Variants in COMMD1 observed in about 807,000 individuals in gnomAD.
The protein encoded by COMMD1 is copper metabolism domain containing 1.
A neutral mutation model predicts 17.2 loss-of-function variants in COMMD1; 10 were observed. That is an observed-to-expected ratio of 0.58 (90% CI 0.36 to 0.99). The LOEUF is 0.99. Ranked by LOEUF, COMMD1 falls within the 50% of genes least tolerant of loss-of-function variation. COMMD1 has a pLI of 0.01. For synonymous variants in COMMD1, 97 were observed against 91.6 expected (o/e 1.06, Z -0.34); for missense variants, 270 against 231.8 (o/e 1.17, Z -1.07).
chr2:62,093,436 T>G (rs1671900399), intron 2 of COMMD1, among the ~76,000 whole-genome samples: 1 of 152,192 alleles, frequency 6.6e-6, no homozygotes, highest in Admixed American at 6.5e-5. Flanking sequence ...GTGAATAAAC[T>G]GAAGGAAAGG....
intron 2 of COMMD1, among the ~76,000 whole-genome samples, chr2:62,010,415 T>C (rs1669246662): frequency 6.6e-6 from 1 of 152,132 alleles, no homozygotes; most frequent in Non-Finnish European, 1.5e-5. Context: ...TACAACTCAC[T>C]TCCTAGTTGA....
intron 2 of COMMD1, among the ~76,000 whole-genome samples, chr2:62,122,570 A>C (rs746750465): frequency 2.0e-5 from 3 of 152,188 alleles, no homozygotes; most frequent in African/African-American, 7.2e-5. Flanking sequence ...GGAAAAAAAG[A>C]ATAGTGATTA....
intron 2 of COMMD1, among the ~76,000 whole-genome samples, chr2:62,003,776 A>G (rs1366258232): frequency 1.3e-5 from 2 of 152,214 alleles, no homozygotes; most frequent in Non-Finnish European, 2.9e-5. Context: ...GGTCAGGAAT[A>G]TGAAAACATA....
At chr2:61,922,710 A>T (rs1182643089) in intron 1 of COMMD1, among the ~76,000 whole-genome samples, 2 of 152,222 alleles carry the variant, frequency 1.3e-5, no homozygotes, top group Non-Finnish European at 2.9e-5. Flanking sequence ...AAACAGACAA[A>T]TGTGAAGTAA....
intron 2 of COMMD1, among the ~76,000 whole-genome samples, chr2:62,032,347 G>A (rs140230696): frequency 1.8e-4 from 28 of 152,272 alleles, no homozygotes; most frequent in African/African-American, 6.0e-4. Context: ...ATCTCCCTGG[G>A]CAATGAAGCA....
intron 1 of COMMD1, among the ~76,000 whole-genome samples, chr2:61,889,155 G>A (rs1313734045): frequency 6.8e-6 from 1 of 146,848 alleles, no homozygotes; most frequent in Non-Finnish European, 1.5e-5. Flanking sequence ...CACCCGCCTC[G>A]GGCTCCCAAA....
intron 1 of COMMD1, among the ~76,000 whole-genome samples, chr2:61,892,564 T>C (rs1375105440): frequency 1.3e-5 from 2 of 151,880 alleles, no homozygotes; most frequent in Non-Finnish European, 2.9e-5. Flanking sequence ...TGTTGTGGCA[T>C]GCACCTGTAT....
At chr2:61,964,374 A>G (rs1479211500) in intron 1 of COMMD1, among the ~76,000 whole-genome samples, 1 of 152,116 alleles carries the variant, frequency 6.6e-6, no homozygotes, top group East Asian at 1.9e-4. Context: ...GCATGGAGCC[A>G]CCATGCCTAG....
At chr2:62,007,001 A>G (rs1377178148) in intron 2 of COMMD1, among the ~76,000 whole-genome samples, 1 of 152,176 alleles carries the variant, frequency 6.6e-6, no homozygotes, top group African/African-American at 2.4e-5. Flanking sequence ...ACATTTTGTG[A>G]GGAAACATTT....
At chr2:62,086,932 T>C (rs1346703665) in intron 2 of COMMD1, among the ~76,000 whole-genome samples, 2 of 152,062 alleles carry the variant, frequency 1.3e-5, no homozygotes, top group Non-Finnish European at 2.9e-5. Context: ...CTCAGCTCAC[T>C]GCAGCCTCTG....
rs1670981392 is a variant in COMMD1, at chr2:62,064,797, T to C, written c.462+63815T>C. Among the ~76,000 whole-genome samples, 3 of 152,280 alleles carry C rather than the reference T, an allele frequency of 2.0e-5. No individual in the cohort carries two copies. In the South Asian group the frequency reaches 6.2e-4, roughly 32 times the overall value. On this transcript the variant is annotated intron_variant, in intron 2 of 2. Transcript: ENST00000311832. The stretch of plus-strand genomic sequence containing the variant: ...TCTAACCTTTCTAAATTTTTAAAAG[T>C]TTTTTAAAAAGAATATTTGTGTACC...
intron 2 of COMMD1, among the ~76,000 whole-genome samples, chr2:62,125,125 T>C (rs1672852985): frequency 6.6e-6 from 1 of 152,198 alleles, no homozygotes; most frequent in Non-Finnish European, 1.5e-5. Context: ...CCAGTGATGA[T>C]TAATGTTTTT....
chr2:61,959,143 C>CG (rs1442755588), intron 1 of COMMD1, among the ~76,000 whole-genome samples: 10 of 152,076 alleles, frequency 6.6e-5, no homozygotes, highest in African/African-American at 2.4e-4. Context: ...TTACTGTTTA[C>CG]GATGGTTTCA....
At chr2:61,977,781 G>A (rs1671845284) in intron 1 of COMMD1, among the ~76,000 whole-genome samples, 1 of 151,958 alleles carries the variant, frequency 6.6e-6, no homozygotes, top group Non-Finnish European at 1.5e-5. Flanking sequence ...GAGGCCCACA[G>A]TTTGAGACCA....
chr2:62,037,142 G>T (rs563577085), intron 2 of COMMD1, among the ~76,000 whole-genome samples: 7 of 152,300 alleles, frequency 4.6e-5, no homozygotes, highest in African/African-American at 1.2e-4. Flanking sequence ...TCATGCCTCT[G>T]TCGTAATGTT....
chr2:61,938,644 A>G (rs150994449), intron 1 of COMMD1, among the ~76,000 whole-genome samples: 35 of 152,080 alleles, frequency 2.3e-4, no homozygotes, highest in African/African-American at 8.4e-4. Context: ...TTTCTGCTTT[A>G]TGCCCCTCAG....
intron 1 of COMMD1, among the ~76,000 whole-genome samples, chr2:61,918,368 T>C (rs756523445): frequency 2.0e-5 from 3 of 152,212 alleles, no homozygotes; most frequent in South Asian, 2.1e-4. Context: ...CTCTGAAGAA[T>C]AGACAAATGA....
chr2:61,994,147 C>T (rs911480528), intron 1 of COMMD1, among the ~76,000 whole-genome samples: 4 of 152,074 alleles, frequency 2.6e-5, no homozygotes, highest in Non-Finnish European at 4.4e-5. Flanking sequence ...CCACCACCCC[C>T]GGCTAATTTT....
intron 2 of COMMD1, among the ~76,000 whole-genome samples, chr2:62,119,194 A>G (rs920520305): frequency 3.3e-5 from 5 of 152,212 alleles, no homozygotes; most frequent in Non-Finnish European, 7.3e-5. Context: ...CCGTGAGAGA[A>G]GATAGCTGTC....
Sources: gnomAD v4.1 joint callset for allele counts (sites outside exome capture counted in the v4.1 genomes callset) on GRCh38, gnomAD v4.1.1 for gene constraint, MANE v1.5 for transcripts, NCBI Gene and HGNC (gene_info 2026-07-23, HGNC 2026-07-21) for gene names.